Variants in SP100 observed in about 807,000 individuals in gnomAD.
SP100 encodes the protein nuclear autoantigen Sp-100.
In SP100, 84 loss-of-function variants were observed where a neutral mutation model predicts 130.0. The ratio of observed to expected loss-of-function variants is 0.65; its 90% CI spans 0.54 to 0.77. The LOEUF is 0.77. SP100 is among the 30% of genes least tolerant of loss of function. SP100 has a pLI of 0.00. For synonymous variants in SP100, 331 were observed against 351.7 expected (o/e 0.94, Z 0.66); for missense variants, 978 against 1,052.2 (o/e 0.93, Z 0.97).
intron 2 of SP100, among the ~76,000 whole-genome samples, chr2:230,418,761 A>G (rs2062687754): frequency 3.3e-5 from 5 of 152,084 alleles, no homozygotes; most frequent in Admixed American, 2.6e-4. Context: ...TTTTGGGAGT[A>G]TAGAGGCAGG....
intron 17 of SP100, among the ~76,000 whole-genome samples, chr2:230,491,799 G>A (rs949065995): frequency 5.9e-5 from 9 of 152,276 alleles, no homozygotes; most frequent in Non-Finnish European, 8.8e-5. Context: ...ACCATATAAC[G>A]ATACTTTCAG....
At chr2:230,533,811 A>T (rs1445536340) in intron 24 of SP100, among the ~76,000 whole-genome samples, 1 of 152,206 alleles carries the variant, frequency 6.6e-6, no homozygotes, top group African/African-American at 2.4e-5. Context: ...CTGGAGCATT[A>T]ATCGGCTCTT....
At chr2:230,537,100 A>G (rs1207265424) in intron 24 of SP100, among the ~76,000 whole-genome samples, 1 of 152,150 alleles carries the variant, frequency 6.6e-6, no homozygotes, top group Non-Finnish European at 1.5e-5. Flanking sequence ...TCCACAAAAA[A>G]TACCAAAAAT....
At chr2:230,447,779 T>A (rs957157263) in intron 5 of SP100, among the ~76,000 whole-genome samples, 1 of 152,100 alleles carries the variant, frequency 6.6e-6, no homozygotes, top group Non-Finnish European at 1.5e-5. Flanking sequence ...TTATGGACAT[T>A]CCATTATACA....
intron 7 of SP100, 42 bp downstream of exon 7, chr2:230,449,752 G>A: frequency 6.2e-7 from 1 of 1,607,584 alleles, no homozygotes; most frequent in Non-Finnish European, 8.5e-7. Flanking sequence ...GGAGCCAAGG[G>A]GCCCTGGCTG....
chr2:230,540,387 T>C (rs1692123791), intron 25 of SP100, among the ~76,000 whole-genome samples: 2 of 152,336 alleles, frequency 1.3e-5, no homozygotes, highest in South Asian at 4.1e-4. Context: ...AAGAAGTTTC[T>C]GCAGCACAGA....
intron 2 of SP100, among the ~76,000 whole-genome samples, chr2:230,435,502 T>C (rs562989115): frequency 6.6e-6 from 1 of 152,370 alleles, no homozygotes; most frequent in Admixed American, 6.5e-5. Context: ...ATGTTTTTTG[T>C]CTGACTCAGA....
In SP100 at chr2:230,541,963, G is replaced by C; in HGVS notation, c.2475G>C (p.Gln825His). The part of the protein sequence containing the change: ...LNKVKTSLNE[Q>H]MYTRVEGFVQ... Reference sequence around the variant, plus strand: ...AAGTCAAGACAAGTTTGAATGAGCAGATGTACACCCGAGTAGAAGGGTTTG... The same window carrying C: ...AAGTCAAGACAAGTTTGAATGAGCACATGTACACCCGAGTAGAAGGGTTTG... The change falls in exon 28 of 29, where the codon CAG becomes CAC. Residue 825 changes from glutamine (Q) to histidine (H), a missense_variant. Gln to His is a conservative substitution (Grantham distance 24, BLOSUM62 0). Coordinates refer to ENST00000340126, the MANE Select transcript of SP100 (RefSeq NM_001080391.2). The C allele has an allele frequency of 2.5e-6, 4 of 1,614,114 alleles. No individual in the cohort carries two copies. The highest frequency in any genetic ancestry group is 3.4e-6 in the Non-Finnish European group (4 of 1,179,968).
At chr2:230,439,616 T>A (rs2063407057) in intron 2 of SP100, among the ~76,000 whole-genome samples, 1 of 152,076 alleles carries the variant, frequency 6.6e-6, no homozygotes, top group Admixed American at 6.5e-5. Flanking sequence ...TTATTTATTT[T>A]TTTGCAGCTG....
At chr2:230,497,109 G>A (rs1254633442) in intron 18 of SP100, among the ~76,000 whole-genome samples, 1 of 152,124 alleles carries the variant, frequency 6.6e-6, no homozygotes, top group South Asian at 2.1e-4. Flanking sequence ...GGGTATTTGA[G>A]CAAGACAATT....
At chr2:230,539,846 C>T (rs1692096956) in intron 25 of SP100, among the ~76,000 whole-genome samples, 2 of 152,174 alleles carry the variant, frequency 1.3e-5, no homozygotes, top group East Asian at 1.9e-4. Context: ...TGCTCACTTC[C>T]TTTGCTAAAA....
chr2:230,542,159 G>A lies in SP100; in HGVS notation c.2547+124G>A. On this transcript the variant is annotated intron_variant, in intron 28 of 28. Transcript: ENST00000340126. ...CTTATCATATGACAAGCCCATACAA[G>A]TACAAATCCTGGAAGTATCCTAAAA... 1.9e-6 allele frequency: 2 copies of A among 1,040,164 alleles called. 1 individual carries two copies. The highest frequency in any genetic ancestry group is 2.8e-5 in the South Asian group (2 of 70,564). The allele number at this position is 1,040,164 out of a possible 1,614,324, so 64.4% of individuals were successfully genotyped here. A position where few individuals can be genotyped will look rare whatever the true frequency, so the allele number is the denominator to read the frequency against.
At chr2:230,535,605 G>T (rs968074594) in intron 24 of SP100, among the ~76,000 whole-genome samples, 1 of 152,062 alleles carries the variant, frequency 6.6e-6, no homozygotes, top group African/African-American at 2.4e-5. Context: ...GTTTGCGTAT[G>T]TTTAATAAGA....
chr2:230,486,569 C>A lies in SP100; in HGVS notation c.1601-7847C>A, dbSNP rs186675929. On this transcript the variant is annotated intron_variant, in intron 17 of 28. Coordinates refer to ENST00000340126, the MANE Select transcript of SP100 (RefSeq NM_001080391.2). ...ATGTACCACATTTTCTTTATCCAGTCTATCATTGTTGGGCATCTGGTTTGG... is the reference window on the plus strand; with the variant it reads ...ATGTACCACATTTTCTTTATCCAGTATATCATTGTTGGGCATCTGGTTTGG... Among the ~76,000 whole-genome samples the A allele has an allele frequency of 1.5e-3, 232 of 152,056 alleles. 3 individuals are homozygous for A. The highest frequency in any genetic ancestry group is 5.3e-3 in the African/African-American group (219 of 41,444).
chr2:230,496,146 T>G lies in SP100; in HGVS notation c.1645+1686T>G, dbSNP rs373385604. ...GTTTCTACTGGTTTCTATAGAAGCC[T>G]CTCTACCTTAACTATTTTATTAAAA... On this transcript the variant is annotated intron_variant, in intron 18 of 28. Transcript: ENST00000340126. Among the ~76,000 whole-genome samples, 13 of 152,332 alleles carry G rather than the reference T, an allele frequency of 8.5e-5. No individual in the cohort carries two copies. The South Asian group carries it at 2.7e-3, about 32-fold the overall frequency.
Position 230,470,662 on chromosome 2 carries a change from C to T in SP100, c.1429+564C>T, listed in dbSNP as rs1264686165. 1.9e-5 allele frequency: 3 copies of T among 158,046 alleles called. No homozygotes were observed. The Admixed American group carries it at 2.0e-4, about 10-fold the overall frequency. 9.8% of individuals were successfully genotyped at this position (158,046 alleles called of 1,614,324 possible). Reference sequence around the variant, plus strand: ...TTAAGACATAGGCAGGCTAACTATACCCATTTTGGGGTGAGGAAATAGATG... The same window carrying T: ...TTAAGACATAGGCAGGCTAACTATATCCATTTTGGGGTGAGGAAATAGATG... On this transcript the variant is annotated intron_variant, in intron 15 of 28. Coordinates refer to ENST00000340126, the MANE Select transcript of SP100 (RefSeq NM_001080391.2).
Position 230,545,236 on chromosome 2 carries a change from GGAATA to G in SP100, c.*2292_*2296del, listed in dbSNP as rs1460023293. Among the ~76,000 whole-genome samples, 1 of 152,216 alleles carries G rather than the reference GGAATA, an allele frequency of 6.6e-6. No homozygotes were observed. Among genetic ancestry groups the G allele is most frequent in the Admixed American group, 6.5e-5 (1 of 15,278 alleles). On this transcript the variant is annotated 3_prime_UTR_variant, in exon 29 of 29. Coordinates refer to ENST00000340126, the MANE Select transcript of SP100 (RefSeq NM_001080391.2). ...AGAAAATATGGTACACATACACCAT[GGAATA>G]GTATGCAGCCATAAGAAACAATGAG... is the stretch of plus-strand genomic sequence containing the variant.
intron 1 of SP100, chr2:230,416,929 A>G: frequency 1.0e-6 from 1 of 978,922 alleles, no homozygotes; most frequent in Non-Finnish European, 1.2e-6. Flanking sequence ...TTCCTGTCCC[A>G]AGATGGGGGA....
chr2:230,502,294 T>C (rs947621965), intron 19 of SP100, among the ~76,000 whole-genome samples: 1 of 152,232 alleles, frequency 6.6e-6, no homozygotes, highest in Non-Finnish European at 1.5e-5. Flanking sequence ...GGGTTAGTTT[T>C]TAAGTCCTTG....
Sources: gnomAD v4.1 joint callset for allele counts (sites outside exome capture counted in the v4.1 genomes callset) on GRCh38, gnomAD v4.1.1 for gene constraint, MANE v1.5 for transcripts, NCBI Gene and HGNC (gene_info 2026-07-23, HGNC 2026-07-21) for gene names.